The following RGS3 variants were observed in gnomAD, a reference collection of about 807,000 sequenced individuals.
RGS3 encodes regulator of G-protein signalling 3.
In RGS3, 80 loss-of-function variants were observed where a neutral mutation model predicts 132.6. That is an observed-to-expected ratio of 0.60 (90% CI 0.50 to 0.73). The LOEUF is 0.73. Among genes scored for constraint, RGS3 ranks in the 30% least tolerant of loss-of-function variants. The pLI is 0.00. For missense variants in RGS3, 1,382 were observed against 1,530.8 expected, an observed-to-expected ratio of 0.90 and a Z score of 1.62; for synonymous variants, 598 against 620.6, an observed-to-expected ratio of 0.96 and a Z score of 0.54.
intron 16 of RGS3, among the ~76,000 whole-genome samples, chr9:113,519,111 T>C (rs1831813437): frequency 6.6e-6 from 1 of 152,114 alleles, no homozygotes; most frequent in Admixed American, 6.5e-5. Flanking sequence ...AGCACCCCCA[T>C]GAAAGGCACG....
chr9:113,596,537 C>G (rs1366057155), intron 24 of RGS3, among the ~76,000 whole-genome samples: 2 of 152,202 alleles, frequency 1.3e-5, no homozygotes, highest in Non-Finnish European at 2.9e-5. Flanking sequence ...ACCCAGGAAG[C>G]CTAACCCTCA....
At chr9:113,473,159 A>G (rs1184694909) in intron 3 of RGS3, among the ~76,000 whole-genome samples, 2 of 152,220 alleles carry the variant, frequency 1.3e-5, no homozygotes, top group Non-Finnish European at 2.9e-5. Context: ...ATCCACTGTC[A>G]TTTCTACCAC....
chr9:113,581,418 T>A (rs1360277331), intron 19 of RGS3: 1 of 152,256 alleles, frequency 6.6e-6, no homozygotes, highest in Non-Finnish European at 1.5e-5. Context: ...GACATTACAA[T>A]TGCCAACACT....
In RGS3 at chr9:113,591,488, G is replaced by C. The variant is rs1184280660; in HGVS notation, c.3080+91G>C. 5.3e-6 allele frequency: 6 copies of C among 1,130,776 alleles called. No homozygotes were observed. The highest frequency in any genetic ancestry group is 6.7e-6 in the Non-Finnish European group (5 of 746,718). The allele number at this position is 1,130,776 out of a possible 1,614,324, so 70.0% of individuals were successfully genotyped here. A position where few individuals can be genotyped will look rare whatever the true frequency, so the allele number is the denominator to read the frequency against. On this transcript the variant is annotated intron_variant, in intron 21 of 24. Transcript: ENST00000350696. The surrounding 1 kb of genome is among the most constrained non-coding windows in gnomAD (Gnocchi z 4.4). ...TCTAGGGGTCCAGGTGGGGAGAAGAGGTTGTGCCTGGTCCCGCCCACAACC... is the reference window on the plus strand; with the variant it reads ...TCTAGGGGTCCAGGTGGGGAGAAGACGTTGTGCCTGGTCCCGCCCACAACC...
intron 19 of RGS3, among the ~76,000 whole-genome samples, chr9:113,576,552 G>A (rs558795097): frequency 6.6e-6 from 1 of 152,188 alleles, no homozygotes; most frequent in Admixed American, 6.5e-5. Context: ...GTATGGTCTC[G>A]ATCTCCTGAC....
At chr9:113,593,794 G>T in intron 21 of RGS3, 1 of 906,314 alleles carries the variant, frequency 1.1e-6, no homozygotes, top group Non-Finnish European at 1.7e-6. Flanking sequence ...GGCTAAAAAT[G>T]GTTCTTGGCT....
intron 3 of RGS3, among the ~76,000 whole-genome samples, chr9:113,464,584 A>C (rs1258734220): frequency 6.6e-6 from 1 of 152,168 alleles, no homozygotes; most frequent in African/African-American, 2.4e-5. Flanking sequence ...CCTTGAGGGT[A>C]ACCCTTCATT....
At position 113,461,775 on chromosome 9, in the gene RGS3, G is replaced by T. The variant is rs200829971; in HGVS notation, c.149G>T (p.Cys50Phe). Residue 50 changes from cysteine to phenylalanine, a missense_variant, in exon 2 of 25, where the codon TGC (cysteine) becomes TTC (phenylalanine). By Grantham distance (205) the Cys-to-Phe change is radical (BLOSUM62 -2). Transcript: ENST00000350696. Reference sequence around the variant, plus strand: ...TCTCACCGTCCTGAGTGTTGTACCTGCAGGTTGCTCACAGCCTCTGGAGCC... The same window carrying T: ...TCTCACCGTCCTGAGTGTTGTACCTTCAGGTTGCTCACAGCCTCTGGAGCC... The T allele has an allele frequency of 6.8e-5, 110 of 1,614,124 alleles. No homozygotes were observed. The Middle Eastern group carries it at 9.9e-4, about 15-fold the overall frequency.
Position 113,485,696 on chromosome 9 carries a change from G to GA in RGS3, c.689+4dup, listed in dbSNP as rs760870776. 1.9e-6 allele frequency: 3 copies of GA among 1,583,544 alleles called. No individual in the cohort carries two copies. In the East Asian group the frequency reaches 6.8e-5, roughly 36 times the overall value. On this transcript the variant is annotated splice_donor_region_variant and intron_variant, in intron 7 of 24. Transcript: ENST00000350696. ...TGGAACAGGGCCAGCCAGTCCAGGT[G>GA]AGGAGAGCTGCTGAGCTGGAGGGGG...
At position 113,594,911 on chromosome 9, in the gene RGS3, C is replaced by G; in HGVS notation, c.3183-8C>G. Reference sequence around the variant, plus strand: ...TGCCCTCACTGTGTTTCCTCCCTCACCCCTCAGGCCCACCTCAGAGGAAGC... The same window carrying G: ...TGCCCTCACTGTGTTTCCTCCCTCAGCCCTCAGGCCCACCTCAGAGGAAGC... On this transcript the variant is annotated splice_polypyrimidine_tract_variant and splice_region_variant and intron_variant, in intron 22 of 24. Coordinates refer to ENST00000350696, the Ensembl canonical transcript of RGS3. The G allele has an allele frequency of 6.2e-7, 1 of 1,613,782 alleles. No individual in the cohort carries two copies. The highest frequency in any genetic ancestry group is 8.5e-7 in the Non-Finnish European group (1 of 1,179,728).
intron 19 of RGS3, among the ~76,000 whole-genome samples, chr9:113,580,462 A>G (rs925827318): frequency 9.9e-5 from 15 of 152,136 alleles, no homozygotes; most frequent in Admixed American, 8.5e-4. Flanking sequence ...CTGTGAGGAG[A>G]CTCAAATAGT....
intron 4 of RGS3, among the ~76,000 whole-genome samples, chr9:113,479,896 T>TCTCA (rs772348618): frequency 6.6e-6 from 1 of 152,162 alleles, no homozygotes; most frequent in South Asian, 2.1e-4. Context: ...TCTCTATTTT[T>TCTCA]CTCACTCATT....
intron 1 of RGS3, among the ~76,000 whole-genome samples, chr9:113,446,601 A>G (rs1829104314): frequency 6.6e-6 from 1 of 152,230 alleles, no homozygotes; most frequent in African/African-American, 2.4e-5. Flanking sequence ...TTACATATGT[A>G]AATTTAAATG....
intron 19 of RGS3, among the ~76,000 whole-genome samples, chr9:113,564,522 A>G (rs1248513188): frequency 6.6e-6 from 1 of 152,172 alleles, no homozygotes; most frequent in Non-Finnish European, 1.5e-5. Flanking sequence ...AGTGACACCC[A>G]ATTAACCAGT....
exon 25 of RGS3, chr9:113,596,898 G>C: frequency 6.2e-7 from 1 of 1,613,680 alleles, no homozygotes; most frequent in Non-Finnish European, 8.5e-7. Flanking sequence ...CGCTTTCTCC[G>C]TTCTGACCTC....
chr9:113,482,941 T>A, intron 4 of RGS3, 118 bp from the exon 3 acceptor site: 3 of 1,572,752 alleles, frequency 1.9e-6, no homozygotes, highest in Non-Finnish European at 2.6e-6. Flanking sequence ...ACAGATACGC[T>A]TTTCTTTTCA....
intron 16 of RGS3, among the ~76,000 whole-genome samples, chr9:113,520,813 ACATTATTATTAT>A (rs957338684): frequency 3.3e-5 from 5 of 151,330 alleles, no homozygotes; most frequent in Non-Finnish European, 7.4e-5. Flanking sequence ...TCATCTCTTA[ACATTATTATTAT>A]CATTATTATT....
At position 113,508,553 on chromosome 9, in the gene RGS3, G is replaced by C. The variant is rs759531513; in HGVS notation, c.1450G>C (p.Val484Leu). 20 of 1,612,546 alleles carry C rather than the reference G, an allele frequency of 1.2e-5. No homozygotes were observed. Among genetic ancestry groups the C allele is most frequent in the Non-Finnish European group, 1.6e-5 (19 of 1,180,010 alleles). The change falls in exon 14 of 25, where the codon GTG becomes CTG. Residue 484 changes from valine to leucine, a missense_variant. Transcript: ENST00000350696. The stretch of plus-strand genomic sequence containing the variant: ...CTTTCCCTTGCAGCTGCTCCGGCCT[G>C]TGTACCAGGAGGATACCATCCCCGA...
At chr9:113,475,804 A>T (rs1193919445) in intron 3 of RGS3, among the ~76,000 whole-genome samples, 1 of 152,090 alleles carries the variant, frequency 6.6e-6, no homozygotes, top group Non-Finnish European at 1.5e-5. Flanking sequence ...TTCTGAAAGG[A>T]TGCCAAATTA....
Sources: gnomAD v4.1 joint callset for allele counts (sites outside exome capture counted in the v4.1 genomes callset) on GRCh38, gnomAD v4.1.1 for gene constraint, Gnocchi (gnomAD v3.1) non-coding constraint, MANE v1.5 for transcripts, NCBI Gene and HGNC (gene_info 2026-07-23, HGNC 2026-07-21) for gene names.